Variants in GUCY2F observed in about 807,000 individuals in gnomAD.
GUCY2F encodes the protein guanylate cyclase 2F, retinal.
In GUCY2F, 61 loss-of-function variants were observed where a neutral mutation model predicts 73.1. That is an observed-to-expected ratio of 0.83 (90% CI 0.68 to 1.03). The LOEUF (loss-of-function observed/expected upper bound fraction) is 1.03, where lower values mean the gene tolerates loss of function less well. Among genes scored for constraint, GUCY2F ranks in the 50% least tolerant of loss-of-function variants. The pLI, the probability that GUCY2F is intolerant of heterozygous loss-of-function variation, is 0.00. For missense variants in GUCY2F, 912 were observed against 854.3 expected (o/e 1.07, Z -0.84); for synonymous variants, 331 against 307.8 (o/e 1.08, Z -0.79).
intron 7 of GUCY2F, among the ~76,000 whole-genome samples, chrX:109,433,341 C>T (rs1340580040): frequency 1.8e-5 from 2 of 111,854 alleles, no homozygotes; most frequent in Non-Finnish European, 3.8e-5. Flanking sequence ...ACAATCCCTT[C>T]ATATTTTGAT....
At chrX:109,474,547 C>T (rs1018387625) in intron 2 of GUCY2F, among the ~76,000 whole-genome samples, 1 of 111,857 alleles carries the variant, frequency 8.9e-6, no homozygotes. Flanking sequence ...CTGCAAGAAT[C>T]GTCTTTGAAC....
At chrX:109,417,388 T>C (rs985168935) in intron 8 of GUCY2F, among the ~76,000 whole-genome samples, 8 of 111,103 alleles carry the variant, frequency 7.2e-5, no homozygotes, top group African/African-American at 2.6e-4. Flanking sequence ...TTTCCTATGT[T>C]TTAAGTAAAG....
rs1450931314 is a variant in GUCY2F at position 109,453,503 on chromosome X, A to G, written c.1387+2T>C. ...GACTACTAGTGATTTTGCATTCCTT[A>G]CCTCCATGGCAGATCTTCCCTTCTG... is the stretch of plus-strand genomic sequence containing the variant. On this transcript the variant is annotated splice_donor_variant, in intron 4 of 19. Coordinates refer to ENST00000218006, the MANE Select transcript of GUCY2F (RefSeq NM_001522.3). LOFTEE classifies it high-confidence loss of function. 2 of 1,164,516 alleles carry G rather than the reference A, an allele frequency of 1.7e-6. No individual in the cohort carries two copies. Among genetic ancestry groups the G allele is most frequent in the African/African-American group, 1.8e-5 (1 of 55,975 alleles).
chrX:109,431,438 C>T (rs1192248205), intron 7 of GUCY2F, among the ~76,000 whole-genome samples: 1 of 111,476 alleles, frequency 9.0e-6, no homozygotes, highest in African/African-American at 3.3e-5. Flanking sequence ...GTGGCTCACG[C>T]CTGTAATCCT....
chrX:109,386,455 C>T (rs958776346), intron 15 of GUCY2F, among the ~76,000 whole-genome samples: 7 of 111,235 alleles, frequency 6.3e-5, no homozygotes, highest in African/African-American at 2.3e-4. Flanking sequence ...TTGGGAAGCT[C>T]TTAGAGAGAA....
intron 9 of GUCY2F, 140 bp from the exon 10 acceptor site, chrX:109,404,624 A>G (rs1056427442): frequency 2.2e-6 from 1 of 445,997 alleles, no homozygotes; most frequent in Non-Finnish European, 3.9e-6. Context: ...GGCAAAGTAA[A>G]CCTTTGACAA....
At chrX:109,443,578 A>G (rs1275921764) in intron 6 of GUCY2F, among the ~76,000 whole-genome samples, 1 of 111,815 alleles carries the variant, frequency 8.9e-6, no homozygotes, top group Admixed American at 9.5e-5. Context: ...GAGGCCTGGT[A>G]TGCTTTAGTC....
intron 8 of GUCY2F, among the ~76,000 whole-genome samples, chrX:109,413,811 G>T (rs775258811): frequency 2.1e-4 from 23 of 111,520 alleles, no homozygotes; most frequent in Admixed American, 2.8e-4. Context: ...ATCTCTACGT[G>T]TCCCTCTTCC....
intron 17 of GUCY2F, among the ~76,000 whole-genome samples, chrX:109,378,394 A>G (rs966942934): frequency 5.4e-5 from 6 of 111,597 alleles, no homozygotes; most frequent in African/African-American, 2.0e-4. Flanking sequence ...ACTATTGGGA[A>G]ATTTGAAGCT....
chrX:109,462,524 T>C (rs768649682), intron 3 of GUCY2F, among the ~76,000 whole-genome samples: 1 of 112,514 alleles, frequency 8.9e-6, no homozygotes, highest in East Asian at 2.8e-4. Context: ...AGCTATTCTA[T>C]TTCCTTGTGT....
chrX:109,444,223 T>G lies in GUCY2F; in HGVS notation c.1570-2741A>C, dbSNP rs773547638. On this transcript the variant is annotated intron_variant, in intron 6 of 19. Coordinates refer to ENST00000218006, the MANE Select transcript of GUCY2F (RefSeq NM_001522.3). ...ACACAATATTAACCTTACAAAAAGATCTGATGATTTAAATAAGTAAGAATT... is the reference window on the plus strand; with the variant it reads ...ACACAATATTAACCTTACAAAAAGAGCTGATGATTTAAATAAGTAAGAATT... Among the ~76,000 whole-genome samples the G allele has an allele frequency of 6.2e-5, 7 of 112,369 alleles. No homozygotes were observed. The East Asian group carries it at 1.7e-3, about 27-fold the overall frequency.
At chrX:109,451,673 C>A (rs114260455) in intron 5 of GUCY2F, among the ~76,000 whole-genome samples, 3 of 111,712 alleles carry the variant, frequency 2.7e-5, no homozygotes, top group Admixed American at 9.5e-5. Context: ...CATCACATAT[C>A]ATTTGGGCAA....
At chrX:109,429,369 G>A (rs1249776161) in intron 8 of GUCY2F, among the ~76,000 whole-genome samples, 2 of 104,383 alleles carry the variant, frequency 1.9e-5, no homozygotes, top group Non-Finnish European at 3.9e-5. Flanking sequence ...AGCTGAGATC[G>A]CACCATTGTA....
intron 1 of GUCY2F, 42 bp from the exon 2 acceptor site, chrX:109,476,063 G>T: frequency 2.0e-6 from 1 of 505,288 alleles, no homozygotes; most frequent in Non-Finnish European, 3.0e-6. Flanking sequence ...CATTATTTCT[G>T]AAGCTTCTGG....
At chrX:109,380,460 A>T (rs968078379) in intron 17 of GUCY2F, among the ~76,000 whole-genome samples, 1 of 109,355 alleles carries the variant, frequency 9.1e-6, no homozygotes, top group Non-Finnish European at 1.9e-5. Flanking sequence ...TCCTCTCCTG[A>T]CCTTTCCTTG....
chrX:109,374,325 A>G (rs1247294940), intron 19 of GUCY2F, among the ~76,000 whole-genome samples: 1 of 111,553 alleles, frequency 9.0e-6, no homozygotes, highest in Non-Finnish European at 1.9e-5. Context: ...CCAGGGATGG[A>G]TTTCCTCTCT....
At chrX:109,411,826 A>C (rs1294196270) in intron 8 of GUCY2F, among the ~76,000 whole-genome samples, 1 of 112,330 alleles carries the variant, frequency 8.9e-6, no homozygotes, top group Non-Finnish European at 1.9e-5. Flanking sequence ...TTACCCAAGG[A>C]AAGTATAAAG....
intron 7 of GUCY2F, among the ~76,000 whole-genome samples, chrX:109,431,487 A>G (rs976111754): frequency 9.0e-6 from 1 of 110,592 alleles, no homozygotes; most frequent in Admixed American, 9.6e-5. Flanking sequence ...TCGCGAGGTC[A>G]GGAGATCGAG....
chrX:109,402,878 A>G (rs1930878740), intron 10 of GUCY2F, among the ~76,000 whole-genome samples: 1 of 111,966 alleles, frequency 8.9e-6, no homozygotes, highest in Non-Finnish European at 1.9e-5. Context: ...TAAAGTCCAG[A>G]TACCACCAAT....
Sources: allele counts gnomAD v4.1 joint callset (sites outside exome capture counted in the v4.1 genomes callset), GRCh38; gene constraint gnomAD v4.1.1; transcripts MANE v1.5; gene names NCBI Gene and HGNC (gene_info 2026-07-23, HGNC 2026-07-21).